Variants in DLGAP2 observed in about 807,000 individuals in gnomAD.
DLGAP2 encodes the protein DLG associated protein 2.
A neutral mutation model predicts 100.3 loss-of-function variants in DLGAP2; 26 were observed. That is an observed-to-expected ratio of 0.26 (90% CI 0.19 to 0.36). The LOEUF is 0.36. Ranked by LOEUF, DLGAP2 falls within the 10% of genes least tolerant of loss-of-function variation. The pLI, the probability that DLGAP2 is intolerant of heterozygous loss-of-function variation, is 1.00. For missense variants in DLGAP2, 1,858 were observed against 1,453.2 expected (o/e 1.28, Z -4.53); for synonymous variants, 886 against 630.1 (o/e 1.41, Z -6.08).
At chr8:1,281,950 G>A (rs1403673448) in intron 3 of DLGAP2, among the ~76,000 whole-genome samples, 1 of 151,304 alleles carries the variant, frequency 6.6e-6, no homozygotes, top group Non-Finnish European at 1.5e-5. Context: ...ATGCACCAGG[G>A]CCGCAAACCA....
intron 8 of DLGAP2, among the ~76,000 whole-genome samples, chr8:1,651,321 G>T (rs528603477): frequency 6.6e-6 from 1 of 152,154 alleles, no homozygotes; most frequent in Non-Finnish European, 1.5e-5. Context: ...CGAATGAAGC[G>T]CTGGCCCCGT....
chr8:1,391,195 C>T (rs56758828), intron 3 of DLGAP2, among the ~76,000 whole-genome samples: 107,059 of 151,452 alleles, frequency 0.71, 37,877 homozygotes, highest in Admixed American at 0.72. Context: ...CTCAGAAGTT[C>T]CCATGGGGAC....
intron 3 of DLGAP2, among the ~76,000 whole-genome samples, chr8:1,310,306 A>C (rs1356028798): frequency 6.6e-6 from 1 of 152,250 alleles, no homozygotes; most frequent in Non-Finnish European, 1.5e-5. Context: ...GGGTCAATTC[A>C]ACAAGGAGAT....
chr8:1,520,990 A>G (rs1449257610), intron 4 of DLGAP2, among the ~76,000 whole-genome samples: 1 of 152,160 alleles, frequency 6.6e-6, no homozygotes, highest in African/African-American at 2.4e-5. Flanking sequence ...AGAGTTCCTG[A>G]GGCTCCGCGT....
chr8:1,365,676 A>G (rs1802092753), intron 3 of DLGAP2, among the ~76,000 whole-genome samples: 3 of 152,186 alleles, frequency 2.0e-5, no homozygotes, highest in Admixed American at 2.0e-4. Flanking sequence ...GCCAAGCAAA[A>G]TCAATCTCGG....
At chr8:786,351 A>G (rs1311444437) in intron 1 of DLGAP2, among the ~76,000 whole-genome samples, 1 of 152,138 alleles carries the variant, frequency 6.6e-6, no homozygotes, top group Admixed American at 6.5e-5. Context: ...CGGCCGAGAC[A>G]CTGGCGTGGT....
At chr8:1,311,335 G>C (rs940482948) in intron 3 of DLGAP2, among the ~76,000 whole-genome samples, 1 of 152,194 alleles carries the variant, frequency 6.6e-6, no homozygotes, top group Non-Finnish European at 1.5e-5. Flanking sequence ...GTTCACTGGT[G>C]AATTCCACCA....
intron 2 of DLGAP2, among the ~76,000 whole-genome samples, chr8:1,090,446 C>G (rs1305475872): frequency 6.6e-6 from 1 of 152,272 alleles, no homozygotes; most frequent in Non-Finnish European, 1.5e-5. Context: ...CTCTTGGGCT[C>G]CTTAGCTTTT....
chr8:863,127 GTAT>G (rs1797424467), intron 1 of DLGAP2, among the ~76,000 whole-genome samples: 1 of 152,148 alleles, frequency 6.6e-6, no homozygotes, highest in African/African-American at 2.4e-5. Context: ...TCTTTGGTGC[GTAT>G]TATTCCTGTT....
intron 3 of DLGAP2, among the ~76,000 whole-genome samples, chr8:1,464,677 A>T (rs187919862): frequency 2.0e-5 from 3 of 152,244 alleles, no homozygotes; most frequent in Admixed American, 2.0e-4. Context: ...AAGAGCTGTC[A>T]GGGGCTGGAG....
At chr8:1,490,135 C>T (rs1301747009) in intron 3 of DLGAP2, among the ~76,000 whole-genome samples, 1 of 152,180 alleles carries the variant, frequency 6.6e-6, no homozygotes, top group Non-Finnish European at 1.5e-5. Context: ...TGTGATCCAC[C>T]TGCCTCAGCC....
chr8:1,033,502 G>A (rs949823385), intron 2 of DLGAP2, among the ~76,000 whole-genome samples: 1 of 152,098 alleles, frequency 6.6e-6, no homozygotes, highest in Admixed American at 6.5e-5. Flanking sequence ...CCCTATCTCT[G>A]CAAAAATATA....
chr8:903,795 GGAAA>G (rs1798315574), intron 1 of DLGAP2, among the ~76,000 whole-genome samples: 1 of 152,226 alleles, frequency 6.6e-6, no homozygotes, highest in Non-Finnish European at 1.5e-5. Context: ...GAGTCTTGGG[GGAAA>G]CCAAGTCGGC....
intron 2 of DLGAP2, among the ~76,000 whole-genome samples, chr8:1,146,315 A>G (rs985815662): frequency 2.6e-5 from 4 of 152,130 alleles, no homozygotes; most frequent in African/African-American, 9.7e-5. Context: ...TCCCGTGCTC[A>G]TTTTCCTAGT....
At chr8:1,354,025 G>A (rs1801793392) in intron 3 of DLGAP2, among the ~76,000 whole-genome samples, 1 of 152,190 alleles carries the variant, frequency 6.6e-6, no homozygotes, top group South Asian at 2.1e-4. Context: ...GCAGTGGCCA[G>A]TGCTGTTTAT....
intron 1 of DLGAP2, among the ~76,000 whole-genome samples, chr8:893,277 T>G (rs1358971228): frequency 6.6e-6 from 1 of 152,128 alleles, no homozygotes; most frequent in African/African-American, 2.4e-5. Context: ...GGTAAAATGA[T>G]GACGTTTTGC....
intron 2 of DLGAP2, among the ~76,000 whole-genome samples, chr8:1,191,612 C>G (rs565832170): frequency 6.6e-6 from 1 of 152,118 alleles, no homozygotes; most frequent in Non-Finnish European, 1.5e-5. Context: ...GCAGCCACAA[C>G]GCGCCGTATC....
chr8:1,110,862 T>G (rs1804934547), intron 2 of DLGAP2, among the ~76,000 whole-genome samples: 1 of 152,036 alleles, frequency 6.6e-6, no homozygotes, highest in Admixed American at 6.5e-5. Flanking sequence ...CTGTGCCTGG[T>G]GCAGGGCTCA....
chr8:1,609,420 C>T (rs1796924175), intron 6 of DLGAP2, among the ~76,000 whole-genome samples: 2 of 137,416 alleles, frequency 1.5e-5, no homozygotes, highest in African/African-American at 5.2e-5. Context: ...CGACCGGTAC[C>T]AGCTGCTGCA....
Sources: allele counts gnomAD v4.1 joint callset (sites outside exome capture counted in the v4.1 genomes callset), GRCh38; gene constraint gnomAD v4.1.1; transcripts MANE v1.5; gene names NCBI Gene and HGNC (gene_info 2026-07-23, HGNC 2026-07-21).